Variants in PCDH15 observed in about 807,000 individuals in gnomAD.
PCDH15 encodes protocadherin related 15, also known as protocadherin-15.
A neutral mutation model predicts 178.5 loss-of-function variants in PCDH15; 129 were observed. That is an observed-to-expected ratio of 0.72 (90% CI 0.63 to 0.84). The LOEUF is 0.84. PCDH15 is among the 40% of genes least tolerant of loss of function. The pLI, the probability that PCDH15 is intolerant of heterozygous loss-of-function variation, is 0.00. For missense variants in PCDH15, 2,230 were observed against 2,099.9 expected, an observed-to-expected ratio of 1.06 and a Z score of -1.21; for synonymous variants, 800 against 732.0, an observed-to-expected ratio of 1.09 and a Z score of -1.50.
intron 2 of PCDH15, among the ~76,000 whole-genome samples, chr10:55,607,745 TTG>T (rs1429875577): frequency 9.2e-6 from 1 of 108,308 alleles, no homozygotes. Flanking sequence ...CTGGGGACTG[TTG>T]TGGGGTGGGG....
chr10:53,877,101 A>G (rs1341501652), intron 26 of PCDH15, among the ~76,000 whole-genome samples: 1 of 152,148 alleles, frequency 6.6e-6, no homozygotes, highest in Non-Finnish European at 1.5e-5. Context: ...AAGGCTTGAG[A>G]GTACAAAACA....
chr10:54,098,138 A>G (rs2094734551), intron 15 of PCDH15, among the ~76,000 whole-genome samples: 1 of 152,052 alleles, frequency 6.6e-6, no homozygotes, highest in Non-Finnish European at 1.5e-5. Context: ...CCTATTGTAT[A>G]TACTCTGTGT....
intron 18 of PCDH15, among the ~76,000 whole-genome samples, chr10:54,062,249 A>AAAAAAAAAAAAAAAAAAAAAAAAAAT (rs1565159027): frequency 8.6e-6 from 1 of 116,372 alleles, no homozygotes; most frequent in African/African-American, 3.8e-5. Context: ...AAAAAAAAAA[A>AAAAAAAAAAAAAAAAAAAAAAAAAAT]AAACAAAAAA....
intron 3 of PCDH15, among the ~76,000 whole-genome samples, chr10:54,516,165 A>G (rs1171487232): frequency 6.6e-5 from 10 of 152,214 alleles, no homozygotes; most frequent in Admixed American, 6.5e-4. Flanking sequence ...TGACGAGCTG[A>G]GAGAAGAAGG....
At chr10:54,744,475 C>T (rs535008784) in intron 1 of PCDH15, among the ~76,000 whole-genome samples, 46 of 152,082 alleles carry the variant, frequency 3.0e-4, no homozygotes, top group Middle Eastern at 3.4e-3. Flanking sequence ...AAAAAGAAAT[C>T]AAGCAAGAAC....
chr10:55,265,424 G>A lies in PCDH15; in HGVS notation c.-156+54175C>T, dbSNP rs771606886. On this transcript the variant is annotated intron_variant, in intron 1 of 5. Coordinates refer to the PCDH15 transcript ENST00000458638. ...AATATTTGAAATCTCCTGGGGAGAC[G>A]TTATGTCATTTTTGAATCAGACCCT... Among the ~76,000 whole-genome samples the A allele has an allele frequency of 1.2e-4, 18 of 151,762 alleles. 1 individual carries two copies. The highest frequency in any genetic ancestry group is 6.2e-4 in the South Asian group (3 of 4,824).
In PCDH15 at chr10:53,878,537, T is replaced by TAA. The variant is rs563937758; in HGVS notation, c.3502-11682_3502-11681dup. Among the ~76,000 whole-genome samples the TAA allele has an allele frequency of 1.4e-3, 209 of 146,812 alleles. 1 individual carries two copies. The highest frequency in any genetic ancestry group is 3.3e-3 in the Admixed American group (47 of 14,396). ...GTGTGTGTGTGTATATATATATATA[T>TAA]AATAAAACACTGAATAAAGCAATCA... On this transcript the variant is annotated intron_variant, in intron 26 of 37. Coordinates refer to ENST00000644397, the MANE Select transcript of PCDH15 (RefSeq NM_001384140.1).
intron 21 of PCDH15, among the ~76,000 whole-genome samples, chr10:53,983,237 T>C (rs926184964): frequency 2.0e-5 from 3 of 151,742 alleles, no homozygotes; most frequent in African/African-American, 7.3e-5. Context: ...TGTGTTTGTG[T>C]GTGTGTGTGT....
chr10:55,371,985 CTCAACT>C (rs1166323499), intron 2 of PCDH15, among the ~76,000 whole-genome samples: 1 of 152,022 alleles, frequency 6.6e-6, no homozygotes, highest in East Asian at 1.9e-4. Context: ...AGTTGCATTG[CTCAACT>C]TCAAACAGAT....
At chr10:54,676,878 C>A (rs2094799767) in intron 1 of PCDH15, among the ~76,000 whole-genome samples, 1 of 152,096 alleles carries the variant, frequency 6.6e-6, no homozygotes, top group Non-Finnish European at 1.5e-5. Context: ...AATCAAGGAT[C>A]TTTTGTGGAT....
intron 2 of PCDH15, among the ~76,000 whole-genome samples, chr10:54,643,811 T>C: frequency 6.6e-6 from 1 of 151,276 alleles, no homozygotes; most frequent in East Asian, 1.9e-4. Context: ...TCATTTTTTT[T>C]AAAATTTTAT....
At chr10:54,341,556 T>C (rs1942238307) in intron 6 of PCDH15, among the ~76,000 whole-genome samples, 2 of 152,164 alleles carry the variant, frequency 1.3e-5, no homozygotes, top group East Asian at 3.9e-4. Context: ...ATACAGGAAA[T>C]TGGTACTGGG....
At chr10:55,408,182 T>TTCTTTTA (rs1838246308) in intron 2 of PCDH15, among the ~76,000 whole-genome samples, 1 of 113,214 alleles carries the variant, frequency 8.8e-6, no homozygotes, top group African/African-American at 3.9e-5. Flanking sequence ...ATAACCTTGA[T>TTCTTTTA]TCTTTTTTCT....
intron 1 of PCDH15, chr10:55,247,701 T>A (rs1400777543): frequency 6.6e-6 from 1 of 151,982 alleles, no homozygotes; most frequent in Non-Finnish European, 1.5e-5. Context: ...GGTGATCACT[T>A]GAGCTCAGGA....
chr10:54,288,228 G>T (rs1265993000), intron 8 of PCDH15, among the ~76,000 whole-genome samples: 6 of 152,138 alleles, frequency 3.9e-5, no homozygotes, highest in Non-Finnish European at 8.8e-5. Flanking sequence ...GCTGAGGCAG[G>T]AGAATCATTT....
chr10:54,822,120 G>C (rs1246501601), intron 3 of PCDH15, among the ~76,000 whole-genome samples: 1 of 152,074 alleles, frequency 6.6e-6, no homozygotes, highest in East Asian at 1.9e-4. Context: ...GGGTAATTGG[G>C]ATATTCATCA....
chr10:54,824,273 T>C (rs1174223584), intron 3 of PCDH15, among the ~76,000 whole-genome samples: 1 of 152,172 alleles, frequency 6.6e-6, no homozygotes, highest in East Asian at 1.9e-4. Context: ...ACAGGGGTTA[T>C]TAAATTTTAT....
intron 25 of PCDH15, among the ~76,000 whole-genome samples, chr10:53,925,800 T>G (rs557760928): frequency 6.6e-6 from 1 of 152,342 alleles, no homozygotes; most frequent in South Asian, 2.1e-4. Context: ...TTTGTGCTTA[T>G]GGGAGGTCAA....
At position 53,898,020 on chromosome 10, in the gene PCDH15, G is replaced by T. The variant is rs1244921456; in HGVS notation, c.3501+5223C>A. Among the ~76,000 whole-genome samples, 3 of 139,128 alleles carry T rather than the reference G, an allele frequency of 2.2e-5. No homozygotes were observed. The East Asian group carries it at 6.5e-4, about 30-fold the overall frequency. 91.3% of individuals were successfully genotyped at this position (139,128 alleles called of 152,430 possible). A position where few individuals can be genotyped will look rare whatever the true frequency, so the allele number is the denominator to read the frequency against. ...CTCGCTCTGTCGCCCAGGCTGGAGT[G>T]CAGTGGCGTGATTTCGGCTCACTGC... On this transcript the variant is annotated intron_variant, in intron 26 of 37. Coordinates refer to ENST00000644397, the MANE Select transcript of PCDH15 (RefSeq NM_001384140.1).
Sources: gnomAD v4.1 joint callset for allele counts (sites outside exome capture counted in the v4.1 genomes callset) on GRCh38, gnomAD v4.1.1 for gene constraint, MANE v1.5 for transcripts, NCBI Gene and HGNC (gene_info 2026-07-23, HGNC 2026-07-21) for gene names.